Variants in C1QTNF7 observed in about 807,000 individuals in gnomAD.
C1QTNF7 encodes C1q and TNF related 7.
C1QTNF7 carries 15 observed loss-of-function variants against 19.6 expected under a neutral mutation model. The observed-to-expected ratio is 0.76, with a 90% confidence interval of 0.51 to 1.18. The LOEUF is 1.18. Among genes scored for constraint, C1QTNF7 ranks in the 50% most tolerant of loss-of-function variants. The pLI is 0.00. For missense variants in C1QTNF7, 324 were observed against 359.7 expected, an observed-to-expected ratio of 0.90 and a Z score of 0.80; for synonymous variants, 142 against 137.5, an observed-to-expected ratio of 1.03 and a Z score of -0.23.
intron 1 of C1QTNF7, among the ~76,000 whole-genome samples, chr4:15,387,969 G>C (rs1222570599): frequency 6.6e-6 from 1 of 152,160 alleles, no homozygotes; most frequent in Non-Finnish European, 1.5e-5. Context: ...AGAGAAGATG[G>C]TATCCAGGGC....
chr4:15,369,271 G>T (rs910449499), intron 1 of C1QTNF7, among the ~76,000 whole-genome samples: 1 of 152,142 alleles, frequency 6.6e-6, no homozygotes, highest in Non-Finnish European at 1.5e-5. Context: ...ATTAGGGAGA[G>T]GCAAGTCTCT....
At chr4:15,356,163 C>T (rs1717139976) in intron 1 of C1QTNF7, among the ~76,000 whole-genome samples, 1 of 151,970 alleles carries the variant, frequency 6.6e-6, no homozygotes, top group East Asian at 1.9e-4. Flanking sequence ...AGGTTTGTTA[C>T]ATAGGTATAC....
intron 1 of C1QTNF7, among the ~76,000 whole-genome samples, chr4:15,341,894 C>T (rs1460337886): frequency 6.6e-6 from 1 of 152,218 alleles, no homozygotes; most frequent in Non-Finnish European, 1.5e-5. Context: ...CATGACGTGA[C>T]TGCTGAGAAG....
chr4:15,436,246 G>C (rs1292176185), intron 2 of C1QTNF7, among the ~76,000 whole-genome samples: 5 of 152,186 alleles, frequency 3.3e-5, no homozygotes, highest in Non-Finnish European at 7.3e-5. Flanking sequence ...GTGATTAAAT[G>C]AATTACTGAG....
At chr4:15,416,622 C>T (rs373811903) in intron 1 of C1QTNF7, among the ~76,000 whole-genome samples, 3 of 152,188 alleles carry the variant, frequency 2.0e-5, no homozygotes, top group African/African-American at 7.2e-5. Context: ...CCACGATACT[C>T]GACCCTGCCT....
At chr4:15,377,330 T>C (rs1717978120) in intron 1 of C1QTNF7, among the ~76,000 whole-genome samples, 1 of 152,336 alleles carries the variant, frequency 6.6e-6, no homozygotes, top group African/African-American at 2.4e-5. Flanking sequence ...CGTGCTTTCT[T>C]CAACTTTTGG....
rs1711732958 is a variant in C1QTNF7, at chr4:15,420,990, A to ACCTGC, written c.14-14744_14-14740dup. 2.0e-5 allele frequency among the ~76,000 whole-genome samples: 3 copies of ACCTGC among 151,722 alleles called. No homozygotes were observed. The South Asian group carries it at 6.2e-4, about 32-fold the overall frequency. ...AGTGAATATGTATGCAAGAGGCACCACCTGCCGCTAAATCTTTGCCTTTGT... is the reference window on the plus strand; with the variant it reads ...AGTGAATATGTATGCAAGAGGCACCACCTGCCCTGCCGCTAAATCTTTGCCTTTGT... On this transcript the variant is annotated intron_variant, in intron 1 of 2. Coordinates refer to the C1QTNF7 transcript ENST00000295297.
intron 1 of C1QTNF7, among the ~76,000 whole-genome samples, chr4:15,378,704 T>C (rs1309611420): frequency 6.6e-6 from 1 of 152,196 alleles, no homozygotes; most frequent in Non-Finnish European, 1.5e-5. Context: ...TCTGAAATTG[T>C]GCATATGTTA....
At chr4:15,358,085 T>C (rs552354530) in intron 1 of C1QTNF7, 4 of 152,330 alleles carry the variant, frequency 2.6e-5, no homozygotes, top group African/African-American at 9.6e-5. Context: ...TTCTTTCTGT[T>C]GCCTGATTGC....
intron 1 of C1QTNF7, among the ~76,000 whole-genome samples, chr4:15,419,551 CAGAA>C (rs1273113426): frequency 1.3e-5 from 2 of 152,098 alleles, no homozygotes; most frequent in African/African-American, 2.4e-5. Context: ...ACAAAAATAA[CAGAA>C]AGAAAGAAAC....
At chr4:15,387,470 C>T (rs989215937) in intron 1 of C1QTNF7, among the ~76,000 whole-genome samples, 3 of 152,028 alleles carry the variant, frequency 2.0e-5, no homozygotes, top group African/African-American at 4.8e-5. Context: ...TTGCCAGATT[C>T]AGAAGAGAAA....
At chr4:15,345,684 A>C (rs1458702259) in intron 1 of C1QTNF7, among the ~76,000 whole-genome samples, 2 of 152,242 alleles carry the variant, frequency 1.3e-5, no homozygotes, top group Non-Finnish European at 2.9e-5. Flanking sequence ...TCCGTCACTC[A>C]GCAAACAGGT....
At chr4:15,410,842 T>C (rs1719378236) in intron 1 of C1QTNF7, among the ~76,000 whole-genome samples, 2 of 152,204 alleles carry the variant, frequency 1.3e-5, no homozygotes, top group Admixed American at 6.5e-5. Flanking sequence ...AGGCAGCCTG[T>C]AATCTACCAG....
intron 1 of C1QTNF7, among the ~76,000 whole-genome samples, chr4:15,341,685 ACAATAT>A (rs1416300558): frequency 6.6e-6 from 1 of 152,204 alleles, no homozygotes; most frequent in Non-Finnish European, 1.5e-5. Context: ...GGTCGGACAC[ACAATAT>A]TACTGTCTCC....
chr4:15,350,667 T>C (rs1374287140), intron 1 of C1QTNF7, among the ~76,000 whole-genome samples: 3 of 152,190 alleles, frequency 2.0e-5, no homozygotes, highest in African/African-American at 7.2e-5. Context: ...AAGACTGCCA[T>C]TGCTATATTG....
chr4:15,426,092 T>C (rs16891939), upstream of C1QTNF7, among the ~76,000 whole-genome samples: 10 of 151,988 alleles, frequency 6.6e-5, no homozygotes, highest in South Asian at 2.1e-3. Context: ...GGAACACTGA[T>C]GGGATTGGAA....
rs145207310 is a variant in C1QTNF7, at chr4:15,434,189, A to G, written c.-8-1547A>G. Among the ~76,000 whole-genome samples the G allele has an allele frequency of 3.9e-5, 6 of 152,158 alleles. No homozygotes were observed. The East Asian group carries it at 1.2e-3, about 29-fold the overall frequency. On this transcript the variant is annotated intron_variant, in intron 1 of 2. Transcript: ENST00000444304. ...CTTGCTTTTTTTTTTTCAACTAGTA[A>G]CACCAAGATTTAGTCAAAGTTACAG...
At chr4:15,372,479 G>C (rs1717770873) in intron 1 of C1QTNF7, among the ~76,000 whole-genome samples, 1 of 152,190 alleles carries the variant, frequency 6.6e-6, no homozygotes, top group Non-Finnish European at 1.5e-5. Context: ...ATACATTTCT[G>C]TTGTTTATGC....
intron 1 of C1QTNF7, among the ~76,000 whole-genome samples, chr4:15,402,788 C>T (rs1181008843): frequency 6.6e-6 from 1 of 152,048 alleles, no homozygotes; most frequent in Non-Finnish European, 1.5e-5. Context: ...TATTTTTATT[C>T]TGATACATTC....
Sources: gnomAD v4.1 joint callset for allele counts (sites outside exome capture counted in the v4.1 genomes callset) on GRCh38, gnomAD v4.1.1 for gene constraint, MANE v1.5 for transcripts, NCBI Gene and HGNC (gene_info 2026-07-23, HGNC 2026-07-21) for gene names.